Variants in EPC1 observed in about 807,000 individuals in gnomAD.
The protein encoded by EPC1 is enhancer of polycomb homolog 1.
A neutral mutation model predicts 98.4 loss-of-function variants in EPC1; 12 were observed. The observed-to-expected ratio is 0.12, with a 90% CI of 0.08 to 0.20. The LOEUF is 0.20. EPC1 is among the 10% of genes least tolerant of loss of function. The pLI is 1.00. For synonymous variants in EPC1, 357 were observed against 363.9 expected, an observed-to-expected ratio of 0.98 and a Z score of 0.21; for missense variants, 729 against 990.5, an observed-to-expected ratio of 0.74 and a Z score of 3.54.
chr10:32,343,703 G>GGT (rs1554824215), intron 1 of EPC1, among the ~76,000 whole-genome samples: 1 of 150,090 alleles, frequency 6.7e-6, no homozygotes, highest in African/African-American at 2.5e-5. Flanking sequence ...TTGGGGGGGG[G>GGT]GTGTAAGGGC....
At chr10:32,317,240 G>A (rs1206168121) in intron 1 of EPC1, among the ~76,000 whole-genome samples, 5 of 152,078 alleles carry the variant, frequency 3.3e-5, no homozygotes, top group Non-Finnish European at 5.9e-5. Context: ...AAGCATGTAA[G>A]TATCCAATAA....
chr10:32,296,568 T>C (rs553307399), intron 2 of EPC1, among the ~76,000 whole-genome samples: 215 of 152,320 alleles, frequency 1.4e-3, no homozygotes, highest in African/African-American at 4.9e-3. Flanking sequence ...CTGAGCCCTT[T>C]TGCCTCTGCA....
chr10:32,290,505 A>AAAAG lies in EPC1; in HGVS notation c.975+654_975+657dup, dbSNP rs1564527672. On this transcript the variant is annotated intron_variant, in intron 6 of 13. Coordinates refer to ENST00000319778, the MANE Select transcript of EPC1 (RefSeq NM_001272004.3). ...TGTCAAAAAAAAAAAAAAAAAAAAAAAAAGAAAGAAAGAAAAACTCATCTG... is the reference window on the plus strand; with the variant it reads ...TGTCAAAAAAAAAAAAAAAAAAAAAAAAAGAAAGAAAGAAAGAAAAACTCATCTG... Among the ~76,000 whole-genome samples the AAAAG allele has an allele frequency of 8.9e-4, 69 of 77,522 alleles. 1 individual carries two copies. The highest frequency in any genetic ancestry group is 3.6e-3 in the African/African-American group (65 of 18,092). 50.9% of individuals were successfully genotyped at this position (77,522 alleles called of 152,430 possible).
chr10:32,301,601 A>C (rs1835547313), intron 2 of EPC1, among the ~76,000 whole-genome samples: 2 of 151,630 alleles, frequency 1.3e-5, no homozygotes. Context: ...ATTGAATAGA[A>C]TTGAGAATCT....
At chr10:32,371,063 G>T (rs944427331) in intron 1 of EPC1, among the ~76,000 whole-genome samples, 2 of 152,130 alleles carry the variant, frequency 1.3e-5, no homozygotes, top group African/African-American at 2.4e-5. Flanking sequence ...GAATTTGCTG[G>T]TTTTTTCCTC....
At chr10:32,269,277 C>A in intron 13 of EPC1, 142 bp from the exon 14 acceptor site, 2 of 610,700 alleles carry the variant, frequency 3.3e-6, no homozygotes, top group South Asian at 4.1e-5. Context: ...TAGAGGAATA[C>A]GAATCTTTAT....
At chr10:32,313,799 T>C (rs1836389657) in intron 1 of EPC1, among the ~76,000 whole-genome samples, 1 of 151,992 alleles carries the variant, frequency 6.6e-6, no homozygotes, top group Admixed American at 6.6e-5. Context: ...GGCAGGAGAA[T>C]CGCTTGAACC....
chr10:32,347,526 G>C (rs1012077673), upstream of EPC1: 1 of 152,144 alleles, frequency 6.6e-6, no homozygotes, highest in African/African-American at 2.4e-5. Context: ...AAGGCAGCTG[G>C]GGAGAGTGGC....
At chr10:32,343,938 G>A (rs1412753653) in intron 1 of EPC1, among the ~76,000 whole-genome samples, 3 of 152,110 alleles carry the variant, frequency 2.0e-5, no homozygotes, top group Admixed American at 6.5e-5. Flanking sequence ...CTTTAATCAG[G>A]TGGTGTATAA....
chr10:32,286,951 C>T lies in EPC1; in HGVS notation c.1217G>A (p.Arg406Lys). 1 of 1,613,756 alleles carries T rather than the reference C, an allele frequency of 6.2e-7. No homozygotes were observed. The highest frequency in any genetic ancestry group is 2.2e-5 in the East Asian group (1 of 44,884). The change falls in exon 8 of 14, where the codon AGG becomes AAG. Residue 406 changes from arginine (R) to lysine (K), a missense_variant. Arg to Lys is a conservative substitution (Grantham distance 26). Transcript: ENST00000319778. ...NDPDGPFAFR[R>K]KAGCQYYAPH... ...AGCATAGTACTGACAGCCTGCTTTC[C>T]TACGGAAAGCAAAAGGACCATCAGG...
chr10:32,319,284 T>C (rs1006287252), intron 1 of EPC1, among the ~76,000 whole-genome samples: 23 of 152,334 alleles, frequency 1.5e-4, no homozygotes, highest in African/African-American at 5.3e-4. Flanking sequence ...AAAAAAATTC[T>C]TGATAGAGAT....
At chr10:32,300,658 T>G (rs943779018) in intron 2 of EPC1, among the ~76,000 whole-genome samples, 2 of 151,820 alleles carry the variant, frequency 1.3e-5, no homozygotes, top group Non-Finnish European at 2.9e-5. Context: ...GGTCTCGAAC[T>G]CCCGACCCCA....
intron 10 of EPC1, among the ~76,000 whole-genome samples, chr10:32,278,571 C>T (rs1836232909): frequency 1.3e-5 from 2 of 151,222 alleles, no homozygotes; most frequent in South Asian, 2.1e-4. Flanking sequence ...TTAGTAGAGA[C>T]GGGGTTTCAC....
intron 1 of EPC1, among the ~76,000 whole-genome samples, chr10:32,361,690 G>A (rs1005689005): frequency 6.6e-6 from 1 of 152,126 alleles, no homozygotes; most frequent in Non-Finnish European, 1.5e-5. Context: ...CTCACCCATC[G>A]GGAGACTGCT....
At chr10:32,309,689 CA>C (rs889178208) in intron 1 of EPC1, among the ~76,000 whole-genome samples, 1 of 145,674 alleles carries the variant, frequency 6.9e-6, no homozygotes. Context: ...CACCCTGTCT[CA>C]AAAAAAATAA....
At chr10:32,284,357 C>A in intron 10 of EPC1, 1 of 190,018 alleles carries the variant, frequency 5.3e-6, no homozygotes. Context: ...AGAGAAATAT[C>A]TGAACATAAA....
intron 1 of EPC1, among the ~76,000 whole-genome samples, chr10:32,321,100 C>T (rs917330884): frequency 1.3e-5 from 2 of 151,954 alleles, no homozygotes; most frequent in Non-Finnish European, 2.9e-5. Flanking sequence ...ATGGAACTAC[C>T]TTTAATGGTT....
intron 1 of EPC1, among the ~76,000 whole-genome samples, chr10:32,371,165 C>T (rs565568757): frequency 1.3e-5 from 2 of 152,258 alleles, no homozygotes; most frequent in Admixed American, 6.5e-5. Context: ...ATAATGGAAC[C>T]GCAAAGCAAT....
intron 1 of EPC1, among the ~76,000 whole-genome samples, chr10:32,311,533 A>C (rs192705694): frequency 4.0e-5 from 6 of 151,720 alleles, no homozygotes; most frequent in East Asian, 1.9e-4. Flanking sequence ...TAAAAAAAAA[A>C]CAACAAAAAC....
Sources: gnomAD v4.1 joint callset for allele counts (sites outside exome capture counted in the v4.1 genomes callset) on GRCh38, gnomAD v4.1.1 for gene constraint, MANE v1.5 for transcripts, NCBI Gene and HGNC (gene_info 2026-07-23, HGNC 2026-07-21) for gene names.